HDAC9: variants seen among roughly 807,000 people sequenced by gnomAD.
The protein encoded by HDAC9 is MEF-2 interacting transcription repressor (MITR) protein.
Under a neutral mutation model 139.4 loss-of-function variants are expected in HDAC9, and 41 were observed. The observed-to-expected ratio is 0.29, with a 90% CI of 0.23 to 0.38. The LOEUF is 0.38. Ranked by LOEUF, HDAC9 falls within the 10% of genes least tolerant of loss-of-function variation. The pLI is 1.00. For synonymous variants in HDAC9, 517 were observed against 476.2 expected (o/e 1.09, Z -1.12); for missense variants, 1,147 against 1,297.0 (o/e 0.88, Z 1.78).
intron 23 of HDAC9, among the ~76,000 whole-genome samples, chr7:18,945,193 A>G (rs1352815274): frequency 6.6e-6 from 1 of 152,202 alleles, no homozygotes; most frequent in Non-Finnish European, 1.5e-5. Flanking sequence ...CTAATACTCC[A>G]TATTGTCAGT....
intron 1 of HDAC9, among the ~76,000 whole-genome samples, chr7:18,383,123 A>G (rs778278431): frequency 3.3e-5 from 5 of 152,244 alleles, no homozygotes; most frequent in Non-Finnish European, 5.9e-5. Context: ...TCTGAAATGA[A>G]CATTAAAGAA....
chr7:18,231,454 C>T (rs1167911732), intron 2 of HDAC9, among the ~76,000 whole-genome samples: 1 of 152,184 alleles, frequency 6.6e-6, no homozygotes, highest in South Asian at 2.1e-4. Flanking sequence ...TTAGGACTAC[C>T]TGAGTCAGCT....
intron 2 of HDAC9, among the ~76,000 whole-genome samples, chr7:18,223,622 G>T (rs1438287291): frequency 6.6e-6 from 1 of 152,018 alleles, no homozygotes; most frequent in African/African-American, 2.4e-5. Context: ...CTCCTGTATT[G>T]TAGCCACTGT....
chr7:18,743,592 G>A (rs1787651673), intron 13 of HDAC9, among the ~76,000 whole-genome samples: 1 of 147,858 alleles, frequency 6.8e-6, no homozygotes, highest in East Asian at 2.1e-4. Context: ...GGGCAACAGA[G>A]TGAGACTGCG....
chr7:18,814,732 A>G (rs1035044397), intron 17 of HDAC9, among the ~76,000 whole-genome samples: 2 of 152,182 alleles, frequency 1.3e-5, no homozygotes, highest in African/African-American at 4.8e-5. Flanking sequence ...TTTTTACTAA[A>G]TTGATCACAT....
intron 1 of HDAC9, among the ~76,000 whole-genome samples, chr7:18,306,087 C>T (rs1304206450): frequency 6.6e-6 from 1 of 152,110 alleles, no homozygotes; most frequent in African/African-American, 2.4e-5. Flanking sequence ...GAATGGAAGG[C>T]AGCCAAAAAA....
At chr7:18,462,562 A>G (rs1423683491) in intron 1 of HDAC9, among the ~76,000 whole-genome samples, 2 of 151,880 alleles carry the variant, frequency 1.3e-5, no homozygotes, top group Admixed American at 6.6e-5. Flanking sequence ...GGTAATCTCT[A>G]TCTTGATTTC....
chr7:18,451,847 G>A (rs1792900125), intron 1 of HDAC9, among the ~76,000 whole-genome samples: 1 of 152,022 alleles, frequency 6.6e-6, no homozygotes, highest in South Asian at 2.1e-4. Flanking sequence ...AAAGAAAAGA[G>A]TCTGGCTCAG....
At chr7:18,243,963 A>G (rs2128191949) in intron 2 of HDAC9, among the ~76,000 whole-genome samples, 1 of 152,282 alleles carries the variant, frequency 6.6e-6, no homozygotes, top group Non-Finnish European at 1.5e-5. Flanking sequence ...CTGTTTTGTG[A>G]GGCAGTAATC....
chr7:18,280,543 G>A (rs1169500680), intron 2 of HDAC9, among the ~76,000 whole-genome samples: 1 of 151,192 alleles, frequency 6.6e-6, no homozygotes, highest in Non-Finnish European at 1.5e-5. Context: ...AGCCAAGATC[G>A]CTCCATTGCA....
chr7:18,362,117 A>G (rs114593402), intron 1 of HDAC9, among the ~76,000 whole-genome samples: 101 of 152,326 alleles, frequency 6.6e-4, no homozygotes, highest in African/African-American at 2.3e-3. Flanking sequence ...CTCACTGATT[A>G]TGAATTGTTT....
chr7:18,315,237 C>A (rs765944612), intron 1 of HDAC9, among the ~76,000 whole-genome samples: 1 of 152,058 alleles, frequency 6.6e-6, no homozygotes, highest in South Asian at 2.1e-4. Context: ...ATTTATTGAG[C>A]ACTTAGTAGG....
intron 6 of HDAC9, among the ~76,000 whole-genome samples, 160 bp from the exon 7 acceptor site, chr7:18,629,190 A>G (rs1303721676): frequency 6.6e-6 from 1 of 152,124 alleles, no homozygotes; most frequent in African/African-American, 2.4e-5. Flanking sequence ...CTGTTTCATT[A>G]ATGTAGAGTC....
intron 1 of HDAC9, among the ~76,000 whole-genome samples, chr7:18,092,414 A>ATTTT (rs1562609736): frequency 2.0e-5 from 3 of 147,842 alleles, no homozygotes; most frequent in East Asian, 2.0e-4. Flanking sequence ...TTTTTTTTTA[A>ATTTT]AAAAAAGAAC....
chr7:18,198,695 A>C lies in HDAC9; in HGVS notation c.25+36346A>C, dbSNP rs561458718. On this transcript the variant is annotated intron_variant, in intron 2 of 12. Transcript: ENST00000417496. Reference sequence around the variant, plus strand: ...ATGGCTAACTTTTTTTCCTAATTGTACAATTTGAAATATGGTGAATTTCCA... The same window carrying C: ...ATGGCTAACTTTTTTTCCTAATTGTCCAATTTGAAATATGGTGAATTTCCA... 2.0e-5 allele frequency among the ~76,000 whole-genome samples: 3 copies of C among 152,306 alleles called. No individual in the cohort carries two copies. The South Asian group carries it at 6.2e-4, about 32-fold the overall frequency.
At chr7:18,658,157 A>G (rs1316708316) in intron 11 of HDAC9, among the ~76,000 whole-genome samples, 2 of 152,012 alleles carry the variant, frequency 1.3e-5, no homozygotes, top group Non-Finnish European at 2.9e-5. Flanking sequence ...CCCTTCTTTC[A>G]GCTCCCTATC....
At chr7:18,333,110 G>GA (rs1463844376) in intron 1 of HDAC9, among the ~76,000 whole-genome samples, 2 of 151,322 alleles carry the variant, frequency 1.3e-5, no homozygotes, top group East Asian at 1.9e-4. Context: ...AAATTAGTAA[G>GA]AAAAAACAGT....
At chr7:18,231,630 C>T (rs751031894) in intron 2 of HDAC9, among the ~76,000 whole-genome samples, 11 of 152,158 alleles carry the variant, frequency 7.2e-5, no homozygotes, top group Non-Finnish European at 1.2e-4. Flanking sequence ...GGAATTTTAA[C>T]AGCAGTCATT....
chr7:18,751,144 A>G (rs1788411361), intron 14 of HDAC9, among the ~76,000 whole-genome samples: 1 of 152,150 alleles, frequency 6.6e-6, no homozygotes, highest in African/African-American at 2.4e-5. Context: ...GCTTATATAC[A>G]TTACATTATT....
Sources: allele counts gnomAD v4.1 joint callset (sites outside exome capture counted in the v4.1 genomes callset), GRCh38; gene constraint gnomAD v4.1.1; transcripts MANE v1.5; gene names NCBI Gene and HGNC (gene_info 2026-07-23, HGNC 2026-07-21).